The following ADAMTSL3 variants were observed in gnomAD, a reference collection of about 807,000 sequenced individuals.
ADAMTSL3 encodes ADAMTS-like protein 3.
ADAMTSL3 carries 128 observed loss-of-function variants against 201.7 expected under a neutral mutation model. The observed-to-expected ratio is 0.63, with a 90% CI of 0.55 to 0.73. The LOEUF is 0.73. Ranked by LOEUF, ADAMTSL3 falls within the 30% of genes least tolerant of loss-of-function variation. The pLI is 0.00. For missense variants in ADAMTSL3, 1,990 were observed against 2,119.6 expected (o/e 0.94, Z 1.20); for synonymous variants, 738 against 748.4 (o/e 0.99, Z 0.23).
chr15:83,783,867 C>T (rs995865654), intron 4 of ADAMTSL3, among the ~76,000 whole-genome samples: 1 of 89,788 alleles, frequency 1.1e-5, no homozygotes, highest in African/African-American at 3.5e-5. Flanking sequence ...GTGTGTGTGT[C>T]TCCACATTCC....
At chr15:83,923,084 T>C (rs551578663) in intron 16 of ADAMTSL3, among the ~76,000 whole-genome samples, 134 of 152,016 alleles carry the variant, frequency 8.8e-4, no homozygotes, top group Non-Finnish European at 1.6e-3. Context: ...GCTTGTGAAA[T>C]TTCATATTTT....
intron 11 of ADAMTSL3, chr15:83,890,652 A>G (rs1431816221): frequency 6.2e-6 from 1 of 160,450 alleles, no homozygotes; most frequent in Admixed American, 6.4e-5. Flanking sequence ...TGCATTGTGC[A>G]AGGAAGTAAA....
At chr15:83,823,839 C>T (rs1454571494) in intron 6 of ADAMTSL3, among the ~76,000 whole-genome samples, 1 of 152,060 alleles carries the variant, frequency 6.6e-6, no homozygotes, top group Non-Finnish European at 1.5e-5. Flanking sequence ...GCTCTTCCTA[C>T]ACTATCCACC....
chr15:83,656,836 T>G (rs1462170616), intron 2 of ADAMTSL3, among the ~76,000 whole-genome samples: 1 of 152,240 alleles, frequency 6.6e-6, no homozygotes. Flanking sequence ...CATGCATCCA[T>G]GAATGAAGAT....
At chr15:83,710,872 C>T (rs769842178) in intron 3 of ADAMTSL3, among the ~76,000 whole-genome samples, 6 of 152,194 alleles carry the variant, frequency 3.9e-5, no homozygotes, top group Non-Finnish European at 7.3e-5. Context: ...CGGAGAGGAA[C>T]AGTGTCTTGT....
chr15:84,012,593 T>A (rs961388884), intron 23 of ADAMTSL3, among the ~76,000 whole-genome samples: 2 of 152,226 alleles, frequency 1.3e-5, no homozygotes, highest in Non-Finnish European at 2.9e-5. Context: ...TAGGGACTTA[T>A]AGAATTACAA....
chr15:83,778,874 A>G (rs1249074059), intron 4 of ADAMTSL3, among the ~76,000 whole-genome samples: 1 of 152,232 alleles, frequency 6.6e-6, no homozygotes, highest in Admixed American at 6.5e-5. Context: ...CAAGAGACCC[A>G]TCTCACATGC....
At chr15:84,003,400 C>T (rs932408231) in intron 23 of ADAMTSL3, among the ~76,000 whole-genome samples, 13 of 152,156 alleles carry the variant, frequency 8.5e-5, no homozygotes, top group African/African-American at 2.9e-4. Context: ...GCAGGAGCCT[C>T]GTATCCTCCT....
chr15:83,938,221 G>A (rs1331664637), intron 17 of ADAMTSL3, among the ~76,000 whole-genome samples: 1 of 147,888 alleles, frequency 6.8e-6, no homozygotes, highest in East Asian at 1.9e-4. Flanking sequence ...TTTTGGTTAA[G>A]TCTAGAGTTG....
intron 8 of ADAMTSL3, among the ~76,000 whole-genome samples, chr15:83,860,648 A>T (rs1202352047): frequency 6.6e-6 from 1 of 152,214 alleles, no homozygotes; most frequent in African/African-American, 2.4e-5. Context: ...AAAACAGAAT[A>T]AGTAAGCAAT....
At chr15:83,832,524 G>A (rs4438273) in intron 6 of ADAMTSL3, among the ~76,000 whole-genome samples, 58,919 of 152,056 alleles carry the variant, frequency 0.39, 13,593 homozygotes, top group African/African-American at 0.61. Flanking sequence ...TTCCTCGGAA[G>A]TGACTTAGAC....
chr15:83,771,137 G>A (rs550239809), intron 3 of ADAMTSL3, among the ~76,000 whole-genome samples: 29 of 148,796 alleles, frequency 1.9e-4, no homozygotes, highest in African/African-American at 5.7e-4. Flanking sequence ...GTGCTATACT[G>A]TGTCCTTATA....
chr15:84,037,218 A>G (rs1319210732), intron 29 of ADAMTSL3, among the ~76,000 whole-genome samples: 1 of 152,152 alleles, frequency 6.6e-6, no homozygotes, highest in Non-Finnish European at 1.5e-5. Flanking sequence ...GCATGCCAGC[A>G]TCATTGGTTA....
chr15:84,029,977 TC>T (rs1172830516), intron 27 of ADAMTSL3, among the ~76,000 whole-genome samples: 2 of 152,212 alleles, frequency 1.3e-5, no homozygotes, highest in African/African-American at 4.8e-5. Context: ...TGCACAGAAG[TC>T]AAGAATTGAG....
chr15:83,924,505 A>C (rs1195280761), intron 17 of ADAMTSL3, among the ~76,000 whole-genome samples: 1 of 152,176 alleles, frequency 6.6e-6, no homozygotes, highest in Non-Finnish European at 1.5e-5. Flanking sequence ...CTTCCCATTG[A>C]CTTGCCTTGG....
chr15:83,725,446 G>A (rs1028165302), intron 3 of ADAMTSL3, among the ~76,000 whole-genome samples: 2 of 152,088 alleles, frequency 1.3e-5, no homozygotes, highest in South Asian at 2.1e-4. Context: ...TGCACTTGTC[G>A]GGTATTACTC....
At chr15:84,006,378 G>T (rs1403594762) in intron 23 of ADAMTSL3, among the ~76,000 whole-genome samples, 1 of 152,106 alleles carries the variant, frequency 6.6e-6, no homozygotes, top group Non-Finnish European at 1.5e-5. Flanking sequence ...AAAAATATAG[G>T]TATAATATAT....
intron 20 of ADAMTSL3, among the ~76,000 whole-genome samples, chr15:83,981,953 A>G (rs1385826012): frequency 6.6e-6 from 1 of 152,236 alleles, no homozygotes; most frequent in Non-Finnish European, 1.5e-5. Flanking sequence ...CCTCAAATCT[A>G]GAAATAACTA....
In ADAMTSL3 at chr15:83,804,667, A is replaced by G; in HGVS notation, c.335A>G (p.Asn112Ser). The G allele has an allele frequency of 6.3e-7, 1 of 1,587,474 alleles. No homozygotes were observed. The highest frequency in any genetic ancestry group is 1.4e-5 in the African/African-American group (1 of 73,690). Residue 112 changes from asparagine (N) to serine (S), a missense_variant, in exon 5 of 30, where the codon AAC (asparagine) becomes AGC (serine). Physicochemically the swap from Asn to Ser is conservative, Grantham distance 46 (BLOSUM62 1). Coordinates refer to ENST00000286744, the MANE Select transcript of ADAMTSL3 (RefSeq NM_207517.3). ...CLTGRNCEGQNIRYKTCSNHD... is the reference protein window; with the variant it reads ...CLTGRNCEGQSIRYKTCSNHD... ...TCCTTTAGGAATTGTGAAGGGCAGA[A>G]CATTCGGTACAAGACATGCAGCAAT... is the stretch of plus-strand genomic sequence containing the variant.
Sources: allele counts gnomAD v4.1 joint callset (sites outside exome capture counted in the v4.1 genomes callset), GRCh38; gene constraint gnomAD v4.1.1; transcripts MANE v1.5; gene names NCBI Gene and HGNC (gene_info 2026-07-23, HGNC 2026-07-21).